Variants in FBXO22 observed in about 807,000 individuals in gnomAD.
The protein encoded by FBXO22 is F-box only protein 22.
In FBXO22, 13 loss-of-function variants were observed where a neutral mutation model predicts 37.2. That is an observed-to-expected ratio of 0.35 (90% CI 0.23 to 0.56). The LOEUF is 0.56. FBXO22 is among the 20% of genes least tolerant of loss of function. The probability of loss-of-function intolerance (pLI) is 0.87; values close to 1 mark genes in which losing one functional copy is unlikely to be tolerated. For missense variants in FBXO22, 446 were observed against 509.9 expected (o/e 0.87, Z 1.21); for synonymous variants, 189 against 189.1 (o/e 1.00, Z 0.00).
At chr15:75,918,800 CAT>C (rs1451994829) in intron 5 of FBXO22, among the ~76,000 whole-genome samples, 9 of 152,124 alleles carry the variant, frequency 5.9e-5, no homozygotes, top group African/African-American at 2.2e-4. Context: ...ATGTTGCTCT[CAT>C]AGAAATATAG....
In FBXO22 at chr15:75,933,802, C is replaced by A; in HGVS notation, c.*700C>A. 2 of 261,754 alleles carry A rather than the reference C, an allele frequency of 7.6e-6. No homozygotes were observed. Among genetic ancestry groups the A allele is most frequent in the Non-Finnish European group, 7.7e-6 (1 of 129,782 alleles). 16.2% of individuals were successfully genotyped at this position (261,754 alleles called of 1,614,324 possible). On this transcript the variant is annotated 3_prime_UTR_variant, in exon 7 of 7. Coordinates refer to ENST00000308275, the MANE Select transcript of FBXO22 (RefSeq NM_147188.3). ...TACATCATCTTATTTTGGTTTTATA[C>A]CAATAAAACATAGCGTGGAACTCAT...
chr15:75,918,437 G>A (rs1900239959), intron 5 of FBXO22, among the ~76,000 whole-genome samples: 2 of 152,254 alleles, frequency 1.3e-5, no homozygotes, highest in South Asian at 2.1e-4. Context: ...AGGGTGGTCA[G>A]GTCAAAGTAG....
rs995439148 is a variant in FBXO22, at chr15:75,933,064, A to G, written c.1174A>G (p.Thr392Ala). 6.2e-7 allele frequency: 1 copy of G among 1,613,912 alleles called. No homozygotes were observed. The highest frequency in any genetic ancestry group is 8.5e-7 in the Non-Finnish European group (1 of 1,179,866). Reference sequence around the variant, plus strand: ...TGATGATCTGTTTCATAGCTATACAACAATAATGGCACTCATACATCTGGG... The same window carrying G: ...TGATGATCTGTTTCATAGCTATACAGCAATAATGGCACTCATACATCTGGG... ...KDDDLFHSYT[T>A]IMALIHLGSS... Residue 392 changes from threonine (T) to alanine (A), a missense_variant, in exon 7 of 7, where the codon ACA (threonine) becomes GCA (alanine). Transcript: ENST00000308275.
rs2030227897 is a variant in FBXO22 at position 75,935,101 on chromosome 15, A to G, written c.*1999A>G. On this transcript the variant is annotated 3_prime_UTR_variant, in exon 7 of 7. Transcript: ENST00000308275. ...GAAAAGTTGACCTAATAGAAACAAT[A>G]GTAGTATTGATAAGAACAAAAGTCA... 1 of 152,230 alleles carries G rather than the reference A, an allele frequency of 6.6e-6. No individual in the cohort carries two copies. The highest frequency in any genetic ancestry group is 1.5e-5 in the Non-Finnish European group (1 of 68,044). 9.4% of individuals were successfully genotyped at this position (152,230 alleles called of 1,614,324 possible). A position where few individuals can be genotyped will look rare whatever the true frequency, so the allele number is the denominator to read the frequency against.
chr15:75,914,015 C>T (rs971743741), intron 3 of FBXO22, 95 bp from the exon 4 acceptor site: 6 of 835,780 alleles, frequency 7.2e-6, no homozygotes, highest in Non-Finnish European at 1.2e-5. Context: ...TGTTAAATGA[C>T]TTAAATATTT....
In FBXO22 at chr15:75,934,098, A is replaced by AC. The variant is rs2030172067; in HGVS notation, c.*997dup. 1 of 152,452 alleles carries AC rather than the reference A, an allele frequency of 6.6e-6. No individual in the cohort carries two copies. The highest frequency in any genetic ancestry group is 2.1e-4 in the South Asian group (1 of 4,846). 9.4% of individuals were successfully genotyped at this position (152,452 alleles called of 1,614,324 possible). On this transcript the variant is annotated 3_prime_UTR_variant, in exon 7 of 7. Coordinates refer to ENST00000308275, the MANE Select transcript of FBXO22 (RefSeq NM_147188.3). ...GGGTATGCCTCCTAGAATAAAGACT[A>AC]CATTTCCCAGTCTCCTGTGCAGGTA...
rs773299366 is a variant in FBXO22 at position 75,917,389 on chromosome 15, A to C, written c.623A>C (p.Glu208Ala). The change falls in exon 5 of 7, where the codon GAA (glutamate) becomes GCA (alanine). Residue 208 changes from glutamate to alanine, a missense_variant. Glu to Ala is a moderately radical substitution (Grantham distance 107). Coordinates refer to ENST00000308275, the MANE Select transcript of FBXO22 (RefSeq NM_147188.3). Reference protein sequence around the residue: ...NLTLERHQLTEVGLLDNPELR... With the variant: ...NLTLERHQLTAVGLLDNPELR... The stretch of plus-strand genomic sequence containing the variant: ...ACATTAGAAAGACATCAACTCACTG[A>C]AGTAGGTAAGTTACTTTTATTTATC... 11 of 1,571,662 alleles carry C rather than the reference A, an allele frequency of 7.0e-6. No homozygotes were observed. Among genetic ancestry groups the C allele is most frequent in the Non-Finnish European group, 9.5e-6 (11 of 1,153,306 alleles).
intron 2 of FBXO22, among the ~76,000 whole-genome samples, chr15:75,909,367 A>G (rs1484483103): frequency 6.6e-6 from 1 of 152,186 alleles, no homozygotes; most frequent in Non-Finnish European, 1.5e-5. Context: ...CATATGGGGA[A>G]GTCGGTGTGT....
At position 75,935,229 on chromosome 15, in the gene FBXO22, T is replaced by C. The variant is rs1363462652; in HGVS notation, c.*2127T>C. On this transcript the variant is annotated 3_prime_UTR_variant, in exon 7 of 7. Coordinates refer to ENST00000308275, the MANE Select transcript of FBXO22 (RefSeq NM_147188.3). ...CTCATTTATTACAATTTTGAAAGGC[T>C]TGTCTTAGAAGCATTAAAGGAGTAT... The C allele has an allele frequency of 6.6e-6, 1 of 152,316 alleles. No individual in the cohort carries two copies. Among genetic ancestry groups the C allele is most frequent in the East Asian group, 1.9e-4 (1 of 5,180 alleles). The allele number at this position is 152,316 out of a possible 1,614,324, so 9.4% of individuals were successfully genotyped here.
rs2030826798 is a variant in FBXO22 at position 75,940,431 on chromosome 15, C to T, written c.*7329C>T. The T allele has an allele frequency of 6.7e-6, 1 of 149,886 alleles. No homozygotes were observed. Among genetic ancestry groups the T allele is most frequent in the Non-Finnish European group, 1.5e-5 (1 of 67,660 alleles). The allele number at this position is 149,886 out of a possible 1,614,324, so 9.3% of individuals were successfully genotyped here. ...CTCAAAGTGATGTGCAGATTCACTACAGTCTCTATCAGAATCCTAGGATTT... is the reference window on the plus strand; with the variant it reads ...CTCAAAGTGATGTGCAGATTCACTATAGTCTCTATCAGAATCCTAGGATTT... On this transcript the variant is annotated 3_prime_UTR_variant, in exon 7 of 7. Coordinates refer to ENST00000308275, the MANE Select transcript of FBXO22 (RefSeq NM_147188.3).
At chr15:75,915,712 C>T (rs4886750) in intron 4 of FBXO22, among the ~76,000 whole-genome samples, 142,748 of 152,026 alleles carry the variant, frequency 0.94, 67,317 homozygotes, top group East Asian at 1. Flanking sequence ...GCAGCCTGGC[C>T]GACGTGGTGA....
At chr15:75,929,707 A>G (rs769858288) in intron 5 of FBXO22, among the ~76,000 whole-genome samples, 177 bp from the exon 6 acceptor site, 10 of 152,364 alleles carry the variant, frequency 6.6e-5, no homozygotes, top group Non-Finnish European at 1.5e-4. Flanking sequence ...AACTTGATAC[A>G]GAGATCGAAG....
intron 5 of FBXO22, among the ~76,000 whole-genome samples, chr15:75,920,693 C>T (rs939571524): frequency 1.3e-4 from 20 of 151,988 alleles, no homozygotes; most frequent in Admixed American, 5.9e-4. Context: ...CATGGTGGCA[C>T]GCACCTGTAG....
chr15:75,911,979 G>A (rs1900065008), intron 2 of FBXO22, among the ~76,000 whole-genome samples: 1 of 150,958 alleles, frequency 6.6e-6, no homozygotes, highest in African/African-American at 2.4e-5. Context: ...ATGAAGGGGT[G>A]TTGAATTTTA....
At position 75,940,408 on chromosome 15, in the gene FBXO22, C is replaced by T. The variant is rs1245177137; in HGVS notation, c.*7306C>T. The T allele has an allele frequency of 2.0e-5, 3 of 150,462 alleles. No homozygotes were observed. Among genetic ancestry groups the T allele is most frequent in the African/African-American group, 7.3e-5 (3 of 41,014 alleles). The allele number at this position is 150,462 out of a possible 1,614,324, so 9.3% of individuals were successfully genotyped here. A position where few individuals can be genotyped will look rare whatever the true frequency, so the allele number is the denominator to read the frequency against. ...CTAATGTTAATATGTCAGTACTACT[C>T]AAAGTGATGTGCAGATTCACTACAG... On this transcript the variant is annotated 3_prime_UTR_variant, in exon 7 of 7. Coordinates refer to ENST00000308275, the MANE Select transcript of FBXO22 (RefSeq NM_147188.3).
intron 5 of FBXO22, among the ~76,000 whole-genome samples, chr15:75,918,682 A>G (rs1900246155): frequency 6.6e-6 from 1 of 152,230 alleles, no homozygotes; most frequent in Non-Finnish European, 1.5e-5. Flanking sequence ...CATAAAGGAC[A>G]TCCTGTCATT....
In FBXO22 at chr15:75,934,819, T is replaced by C. The variant is rs2030209236; in HGVS notation, c.*1717T>C. The C allele has an allele frequency of 6.6e-6, 1 of 152,150 alleles. No homozygotes were observed. 9.4% of individuals were successfully genotyped at this position (152,150 alleles called of 1,614,324 possible). ...TGTCCCTGATATTAACCAGAATTGG[T>C]TGAATAGTAGAGGAAAAGGGATTTT... is the stretch of plus-strand genomic sequence containing the variant. On this transcript the variant is annotated 3_prime_UTR_variant, in exon 7 of 7. Coordinates refer to ENST00000308275, the MANE Select transcript of FBXO22 (RefSeq NM_147188.3).
At chr15:75,904,848 T>G (rs1214373764) in intron 2 of FBXO22, among the ~76,000 whole-genome samples, 4 of 125,524 alleles carry the variant, frequency 3.2e-5, no homozygotes, top group Admixed American at 9.0e-5. Flanking sequence ...TTTTGAGACG[T>G]AGTCTCGCTC....
rs753312397 is a variant in FBXO22 at position 75,932,976 on chromosome 15, A to G, written c.1086A>G (p.Glu362=). ...TATTCGGCTTCTTTGGAAATGGAGA[A>G]ATTGGATGTGATCGGATAGTCACTG... ...VPLFGFFGNG[E]IGCDRIVTGN... Residue 362 remains glutamate (E), a synonymous_variant, in exon 7 of 7, where the codon GAA becomes GAG. Transcript: ENST00000308275. 1.2e-6 allele frequency: 2 copies of G among 1,614,078 alleles called. No individual in the cohort carries two copies. The highest frequency in any genetic ancestry group is 4.5e-5 in the East Asian group (2 of 44,898).
Sources: gnomAD v4.1 joint callset for allele counts (sites outside exome capture counted in the v4.1 genomes callset) on GRCh38, gnomAD v4.1.1 for gene constraint, MANE v1.5 for transcripts, NCBI Gene and HGNC (gene_info 2026-07-23, HGNC 2026-07-21) for gene names.